The following USP53 variants were observed in gnomAD, a reference collection of about 807,000 sequenced individuals.
USP53 encodes ubiquitin carboxyl-terminal hydrolase 53.
In USP53, 71 loss-of-function variants were observed where a neutral mutation model predicts 94.9. The ratio of observed to expected loss-of-function variants is 0.75; its 90% CI spans 0.62 to 0.91. The LOEUF is 0.91. USP53 is among the 40% of genes least tolerant of loss of function. The pLI, the probability that USP53 is intolerant of heterozygous loss-of-function variation, is 0.00. For missense variants in USP53, 1,173 were observed against 1,281.0 expected, an observed-to-expected ratio of 0.92 and a Z score of 1.29; for synonymous variants, 375 against 422.7, an observed-to-expected ratio of 0.89 and a Z score of 1.39.
At chr4:119,233,516 G>A (rs1746340655) in intron 3 of USP53, among the ~76,000 whole-genome samples, 1 of 152,014 alleles carries the variant, frequency 6.6e-6, no homozygotes, top group South Asian at 2.1e-4. Context: ...TAGCTTTTGA[G>A]AAGTGTTTAT....
Position 119,260,493 on chromosome 4 carries a change from A to G in USP53, c.676-14A>G, listed in dbSNP as rs1304800340. The G allele has an allele frequency of 1.2e-6, 2 of 1,610,716 alleles. No individual in the cohort carries two copies. Among genetic ancestry groups the G allele is most frequent in the Non-Finnish European group, 1.7e-6 (2 of 1,178,082 alleles). ...CTGTTTTCATAATTTTAAAACTTTT[A>G]TGTTTTTCTGTAGAGTAACTGTGGC... On this transcript the variant is annotated splice_polypyrimidine_tract_variant and intron_variant, in intron 10 of 18. Transcript: ENST00000692078.
rs1232846472 is a variant in USP53 at position 119,292,640 on chromosome 4, A to G, written c.2651A>G (p.Asn884Ser). The change falls in exon 19 of 19, where the codon AAT becomes AGT. Residue 884 changes from asparagine (N) to serine (S), a missense_variant. By Grantham distance (46) the Asn-to-Ser change is conservative. Transcript: ENST00000692078. ...ACTGCTCCTCTCATCCAGCAACAAA[A>G]TATCATGGATCAATGTTACTTTGAG... ...PETAPLIQQQ[N>S]IMDQCYFENS... 4 of 1,613,962 alleles carry G rather than the reference A, an allele frequency of 2.5e-6. No homozygotes were observed. The African/African-American group carries it at 5.3e-5, about 22-fold the overall frequency.
At chr4:119,288,122 G>A (rs1183595146) in intron 17 of USP53, among the ~76,000 whole-genome samples, 1 of 152,120 alleles carries the variant, frequency 6.6e-6, no homozygotes, top group Admixed American at 6.5e-5. Context: ...TCTTATATAG[G>A]TTATGTCTTA....
At chr4:119,291,911 T>C (rs1754804486) in intron 18 of USP53, among the ~76,000 whole-genome samples, 1 of 152,160 alleles carries the variant, frequency 6.6e-6, no homozygotes, top group South Asian at 2.1e-4. Context: ...CTGCTATATA[T>C]CAAAATTTAA....
intron 16 of USP53, 93 bp from the exon 17 acceptor site, chr4:119,273,539 T>C: frequency 1.1e-6 from 1 of 891,198 alleles, no homozygotes. Context: ...GCACATGGCA[T>C]ATAATAAATG....
chr4:119,237,861 G>A (rs147705332), intron 4 of USP53, among the ~76,000 whole-genome samples: 1 of 152,306 alleles, frequency 6.6e-6, no homozygotes, highest in Admixed American at 6.5e-5. Context: ...ATGTTATGGA[G>A]ATGGCATCTT....
rs570155718 is a variant in USP53 at position 119,284,367 on chromosome 4, T to C, written c.2252-6798T>C. 2.6e-5 allele frequency among the ~76,000 whole-genome samples: 4 copies of C among 151,908 alleles called. No homozygotes were observed. The South Asian group carries it at 8.3e-4, about 32-fold the overall frequency. Reference sequence around the variant, plus strand: ...AAAGGATATAATATACTGCTTTTTTTCCATTAATAGAGATATTATATAGGC... The same window carrying C: ...AAAGGATATAATATACTGCTTTTTTCCCATTAATAGAGATATTATATAGGC... On this transcript the variant is annotated intron_variant, in intron 17 of 18. Coordinates refer to ENST00000692078, the MANE Select transcript of USP53 (RefSeq NM_001371395.1).
chr4:119,214,936 G>A (rs1193711569), intron 2 of USP53, among the ~76,000 whole-genome samples: 1 of 152,160 alleles, frequency 6.6e-6, no homozygotes, highest in Non-Finnish European at 1.5e-5. Context: ...AAACACAGTT[G>A]ATCTTTATAA....
chr4:119,248,635 C>T, intron 6 of USP53, 113 bp from the exon 7 acceptor site: 1 of 1,289,272 alleles, frequency 7.8e-7, no homozygotes, highest in Non-Finnish European at 1.0e-6. Flanking sequence ...GAGCAAAAGA[C>T]TTCTGTATTA....
chr4:119,228,341 C>T lies in USP53; in HGVS notation c.-664-6949C>T, dbSNP rs74970840. Among the ~76,000 whole-genome samples the T allele has an allele frequency of 4.7e-4, 71 of 152,270 alleles. No homozygotes were observed. The East Asian group carries it at 0.011, about 24-fold the overall frequency. The stretch of plus-strand genomic sequence containing the variant: ...GAGGCCCCCTCCACCTTTAAAGCAG[C>T]AATGGCACATCAAGTCTTTCTCATG... On this transcript the variant is annotated intron_variant, in intron 3 of 18. Transcript: ENST00000692078.
At chr4:119,254,276 G>A (rs185906623) in intron 7 of USP53, among the ~76,000 whole-genome samples, 11 of 152,240 alleles carry the variant, frequency 7.2e-5, no homozygotes, top group Admixed American at 5.9e-4. Flanking sequence ...CCTTGTTAGA[G>A]GTTGGGGAAG....
In USP53 at chr4:119,261,230, G is replaced by T. The variant is rs987545410; in HGVS notation, c.823-485G>T. Among the ~76,000 whole-genome samples the T allele has an allele frequency of 5.9e-5, 9 of 152,094 alleles. No individual in the cohort carries two copies. The South Asian group carries it at 1.9e-3, about 32-fold the overall frequency. On this transcript the variant is annotated intron_variant, in intron 11 of 18. Transcript: ENST00000692078. ...CCTGCCTTGGCTTCCCAAAGTGCTG[G>T]GATTACAGGCGTGAGCCACCACACC...
chr4:119,285,921 G>A (rs7681373), intron 17 of USP53, among the ~76,000 whole-genome samples: 114,962 of 151,738 alleles, frequency 0.76, 43,562 homozygotes, highest in Non-Finnish European at 0.78. Context: ...ATTGAAATTT[G>A]CTTTGTAGCA....
chr4:119,225,970 G>T (rs1378437657), intron 3 of USP53, among the ~76,000 whole-genome samples: 1 of 152,112 alleles, frequency 6.6e-6, no homozygotes, highest in African/African-American at 2.4e-5. Flanking sequence ...GTAATATACT[G>T]CATTAAGACT....
chr4:119,245,482 T>G, intron 6 of USP53, 53 bp downstream of exon 6: 2 of 1,515,888 alleles, frequency 1.3e-6, no homozygotes, highest in Non-Finnish European at 1.8e-6. Flanking sequence ...TTCAAAAATT[T>G]AAGTTTGATA....
chr4:119,255,562 G>A (rs577643670), intron 7 of USP53, among the ~76,000 whole-genome samples: 25 of 152,326 alleles, frequency 1.6e-4, no homozygotes, highest in East Asian at 1.2e-3. Flanking sequence ...AGCCAGGCAC[G>A]GGAGGGGAAC....
At chr4:119,224,181 G>A (rs1402187238) in intron 3 of USP53, among the ~76,000 whole-genome samples, 1 of 152,090 alleles carries the variant, frequency 6.6e-6, no homozygotes, top group African/African-American at 2.4e-5. Flanking sequence ...TGTATTTTTA[G>A]TAGAGACGGG....
intron 18 of USP53, among the ~76,000 whole-genome samples, chr4:119,291,841 G>A (rs934109614): frequency 6.6e-6 from 1 of 151,942 alleles, no homozygotes; most frequent in African/African-American, 2.4e-5. Context: ...AACATAGCAA[G>A]ACCCTCAAAT....
chr4:119,227,819 A>C (rs1471245774), intron 3 of USP53, among the ~76,000 whole-genome samples: 1 of 152,206 alleles, frequency 6.6e-6, no homozygotes, highest in African/African-American at 2.4e-5. Context: ...TAATAACCCC[A>C]AAATGGAAAC....
Sources: gnomAD v4.1 joint callset for allele counts (sites outside exome capture counted in the v4.1 genomes callset) on GRCh38, gnomAD v4.1.1 for gene constraint, MANE v1.5 for transcripts, NCBI Gene and HGNC (gene_info 2026-07-23, HGNC 2026-07-21) for gene names.